The following TAF4B variants were observed in gnomAD, a reference collection of about 807,000 sequenced individuals.
TAF4B encodes TATA-box binding protein associated factor 4b.
Under a neutral mutation model 86.4 loss-of-function variants are expected in TAF4B, and 38 were observed. The ratio of observed to expected loss-of-function variants is 0.44; its 90% CI spans 0.34 to 0.58. The LOEUF is 0.58. TAF4B is among the 20% of genes least tolerant of loss of function. The pLI, the probability that TAF4B is intolerant of heterozygous loss-of-function variation, is 0.02. For missense variants in TAF4B, 988 were observed against 1,027.6 expected, an observed-to-expected ratio of 0.96 and a Z score of 0.53; for synonymous variants, 388 against 391.2, an observed-to-expected ratio of 0.99 and a Z score of 0.10.
chr18:26,296,524 G>A (rs1325392748), intron 9 of TAF4B, among the ~76,000 whole-genome samples: 1 of 152,024 alleles, frequency 6.6e-6, no homozygotes, highest in Non-Finnish European at 1.5e-5. Flanking sequence ...AGATGAAAAA[G>A]TTTGCATGGG....
At chr18:26,269,381 C>T (rs2056284596) in intron 3 of TAF4B, among the ~76,000 whole-genome samples, 1 of 152,114 alleles carries the variant, frequency 6.6e-6, no homozygotes, top group African/African-American at 2.4e-5. Context: ...ATCCCATACT[C>T]ATAGAGTATT....
intron 1 of TAF4B, among the ~76,000 whole-genome samples, chr18:26,250,636 A>G (rs2055992784): frequency 6.6e-6 from 1 of 152,208 alleles, no homozygotes; most frequent in African/African-American, 2.4e-5. Context: ...GATCAGTGCT[A>G]ACTATATCCT....
chr18:26,271,503 T>G (rs1294597633), intron 3 of TAF4B, among the ~76,000 whole-genome samples: 1 of 152,244 alleles, frequency 6.6e-6, no homozygotes, highest in Non-Finnish European at 1.5e-5. Flanking sequence ...CACATTTATT[T>G]CACATATACT....
At chr18:26,269,957 A>G (rs2144552630) in intron 3 of TAF4B, among the ~76,000 whole-genome samples, 1 of 152,346 alleles carries the variant, frequency 6.6e-6, no homozygotes, top group South Asian at 2.1e-4. Flanking sequence ...ATTTAGGCCT[A>G]TTGATAGCTA....
At chr18:26,230,348 C>T (rs2055646382) in intron 1 of TAF4B, among the ~76,000 whole-genome samples, 1 of 152,220 alleles carries the variant, frequency 6.6e-6, no homozygotes, top group Non-Finnish European at 1.5e-5. Flanking sequence ...GAATTTGCAT[C>T]TCCTTTCCCA....
intron 1 of TAF4B, among the ~76,000 whole-genome samples, chr18:26,227,805 C>T (rs570787092): frequency 7.9e-5 from 12 of 152,364 alleles, no homozygotes; most frequent in African/African-American, 2.9e-4. Context: ...GCGTGAGCCA[C>T]CGCGTACGGC....
At position 26,345,777 on chromosome 18, in the gene TAF4B, G is replaced by C. The variant is rs114212970; in HGVS notation, c.2316+10546G>C. On this transcript the variant is annotated intron_variant, in intron 13 of 14. Coordinates refer to ENST00000269142, the MANE Select transcript of TAF4B (RefSeq NM_005640.3). Reference sequence around the variant, plus strand: ...ATACATCAAACATGAAAAAACTACAGATAAATACCCATGAAAAGGAACACA... The same window carrying C: ...ATACATCAAACATGAAAAAACTACACATAAATACCCATGAAAAGGAACACA... Among the ~76,000 whole-genome samples, 1,152 of 152,146 alleles carry C rather than the reference G, an allele frequency of 7.6e-3. 12 individuals carry two copies. The highest frequency in any genetic ancestry group is 0.026 in the African/African-American group (1,095 of 41,496).
chr18:26,333,652 G>C (rs1012484153), intron 12 of TAF4B, among the ~76,000 whole-genome samples: 4 of 152,186 alleles, frequency 2.6e-5, no homozygotes, highest in African/African-American at 9.7e-5. Flanking sequence ...GCCTCCCAAA[G>C]TACTGGGATT....
At chr18:26,353,548 T>C (rs552646279) in intron 13 of TAF4B, among the ~76,000 whole-genome samples, 44 of 152,310 alleles carry the variant, frequency 2.9e-4, no homozygotes, top group Non-Finnish European at 6.0e-4. Context: ...CTGGGCAACA[T>C]AGCGAGATTC....
intron 6 of TAF4B, among the ~76,000 whole-genome samples, chr18:26,284,805 G>T (rs1168532272): frequency 6.6e-6 from 1 of 152,052 alleles, no homozygotes; most frequent in Non-Finnish European, 1.5e-5. Flanking sequence ...GGAGGCAGAG[G>T]TTGCAGAGAG....
At chr18:26,292,595 C>T (rs2056606877) in intron 8 of TAF4B, among the ~76,000 whole-genome samples, 1 of 152,216 alleles carries the variant, frequency 6.6e-6, no homozygotes, top group South Asian at 2.1e-4. Flanking sequence ...GATCTCAGCT[C>T]ACTGCAACCT....
In TAF4B at chr18:26,226,887, C is replaced by T; in HGVS notation, c.-47C>T. 1 of 1,334,138 alleles carries T rather than the reference C, an allele frequency of 7.5e-7. No individual in the cohort carries two copies. The highest frequency in any genetic ancestry group is 2.8e-4 in the Middle Eastern group (1 of 3,636). 82.6% of individuals were successfully genotyped at this position (1,334,138 alleles called of 1,614,324 possible). A position where few individuals can be genotyped will look rare whatever the true frequency, so the allele number is the denominator to read the frequency against. On this transcript the variant is annotated 5_prime_UTR_variant, in exon 1 of 15. Transcript: ENST00000269142. ...CCGCGCGCCAAGCCTCCCCTCACCT[C>T]TGCTCCCGGAACCGCAGCGCCAAAG... is the stretch of plus-strand genomic sequence containing the variant.
chr18:26,339,623 C>T lies in TAF4B; in HGVS notation c.2316+4392C>T, dbSNP rs551437523. Among the ~76,000 whole-genome samples the T allele has an allele frequency of 7.2e-5, 11 of 152,160 alleles. No homozygotes were observed. In the South Asian group the frequency reaches 1.0e-3, roughly 14 times the overall value. On this transcript the variant is annotated intron_variant, in intron 13 of 14. Transcript: ENST00000269142. ...ATTACAGGAGTGAGACACTGTGGCC[C>T]GCTGAATTGTTTTTTAATAAATAGG...
rs1244554188 is a variant in TAF4B, at chr18:26,274,973, A to G, written c.802A>G (p.Met268Val). Residue 268 changes from methionine (M) to valine (V), a missense_variant, in exon 5 of 15, where the codon ATG (methionine) becomes GTG (valine). Physicochemically the swap from Met to Val is conservative, Grantham distance 21. Around this residue, in one of 3 missense-constraint regions of TAF4B, gnomAD observed 747 missense variants for 737.9 expected, o/e 1.01. Transcript: ENST00000269142. ...NVKKCKNFLAMLIKLACSGSQ... is the reference protein window; with the variant it reads ...NVKKCKNFLAVLIKLACSGSQ... Reference sequence around the variant, plus strand: ...GAAGAAATGCAAGAACTTCCTTGCAATGTTAATAAAACTAGCATGTAGTGG... The same window carrying G: ...GAAGAAATGCAAGAACTTCCTTGCAGTGTTAATAAAACTAGCATGTAGTGG... The G allele has an allele frequency of 2.5e-6, 4 of 1,613,314 alleles. No individual in the cohort carries two copies. Among genetic ancestry groups the G allele is most frequent in the Non-Finnish European group, 3.4e-6 (4 of 1,179,802 alleles).
At chr18:26,329,000 TC>T (rs2057029860) in intron 12 of TAF4B, among the ~76,000 whole-genome samples, 1 of 151,876 alleles carries the variant, frequency 6.6e-6, no homozygotes, top group South Asian at 2.1e-4. Context: ...CTTCCCCACT[TC>T]CTCTCTTCCT....
At chr18:26,293,829 C>T (rs1428884559) in intron 9 of TAF4B, among the ~76,000 whole-genome samples, 2 of 152,166 alleles carry the variant, frequency 1.3e-5, no homozygotes, top group Non-Finnish European at 2.9e-5. Flanking sequence ...CTGGCAGCTA[C>T]TGTTCTTACG....
Position 26,308,820 on chromosome 18 carries a change from C to T in TAF4B, c.1833-6409C>T, listed in dbSNP as rs142399024. ...CTGGGAGGCGGAGGATGCAGTGAGC[C>T]GAGACTGTGCCATTTCACTCCAACC... On this transcript the variant is annotated intron_variant, in intron 9 of 14. Coordinates refer to ENST00000269142, the MANE Select transcript of TAF4B (RefSeq NM_005640.3). Among the ~76,000 whole-genome samples, 286 of 139,604 alleles carry T rather than the reference C, an allele frequency of 2.0e-3. 2 individuals carry two copies. The highest frequency in any genetic ancestry group is 7.4e-3 in the African/African-American group (277 of 37,532). 91.6% of individuals were successfully genotyped at this position (139,604 alleles called of 152,430 possible).
intron 6 of TAF4B, among the ~76,000 whole-genome samples, chr18:26,285,222 G>GTTTTTTTTGTTTTTTTTTT (rs1555677504): frequency 2.2e-5 from 1 of 45,660 alleles, no homozygotes; most frequent in Non-Finnish European, 4.5e-5. Flanking sequence ...TTTTTTTTTT[G>GTTTTTTTTGTTTTTTTTTT]TTTTTTTTTT....
chr18:26,256,182 A>G (rs977283836), intron 1 of TAF4B: 8 of 1,610,926 alleles, frequency 5.0e-6, no homozygotes, highest in African/African-American at 4.0e-5. Context: ...TCTTTTCACA[A>G]GCAGGACACA....
Sources: gnomAD v4.1 joint callset for allele counts (sites outside exome capture counted in the v4.1 genomes callset) on GRCh38, gnomAD v4.1.1 for gene constraint, gnomAD v4.1.1 regional missense constraint, MANE v1.5 for transcripts, NCBI Gene and HGNC (gene_info 2026-07-23, HGNC 2026-07-21) for gene names.